Variants in EYA3 observed in about 807,000 individuals in gnomAD.
The protein encoded by EYA3 is EYA transcriptional coactivator and phosphatase 3, also known as protein phosphatase EYA3.
Under a neutral mutation model 80.0 loss-of-function variants are expected in EYA3, and 39 were observed. That is an observed-to-expected ratio of 0.49 (90% CI 0.38 to 0.64). The LOEUF (loss-of-function observed/expected upper bound fraction) is 0.64. Ranked by LOEUF, EYA3 falls within the 30% of genes least tolerant of loss-of-function variation. EYA3 has a pLI of 0.00. For synonymous variants in EYA3, 206 were observed against 232.8 expected, an observed-to-expected ratio of 0.88 and a Z score of 1.05; for missense variants, 523 against 676.1, an observed-to-expected ratio of 0.77 and a Z score of 2.51.
At chr1:28,068,399 T>TTA (rs1359534599) in intron 1 of EYA3, among the ~76,000 whole-genome samples, 2 of 152,104 alleles carry the variant, frequency 1.3e-5, no homozygotes, top group Non-Finnish European at 2.9e-5. Flanking sequence ...TTTTCTTTCA[T>TTA]TACATCTCTA....
intron 8 of EYA3, among the ~76,000 whole-genome samples, chr1:28,015,491 T>A (rs1000292611): frequency 6.6e-6 from 1 of 152,170 alleles, no homozygotes; most frequent in Non-Finnish European, 1.5e-5. Flanking sequence ...ATTGCGCCAC[T>A]GCACTCTGGC....
chr1:28,039,580 G>A (rs1643657463), intron 4 of EYA3, among the ~76,000 whole-genome samples: 1 of 152,166 alleles, frequency 6.6e-6, no homozygotes, highest in Non-Finnish European at 1.5e-5. Context: ...TAGCTGCTAT[G>A]AAGGCTTGAC....
Position 28,013,368 on chromosome 1 carries a change from C to T in EYA3, c.586-74G>A. 1 of 1,220,746 alleles carries T rather than the reference C, an allele frequency of 8.2e-7. No individual in the cohort carries two copies. Among genetic ancestry groups the T allele is most frequent in the Non-Finnish European group, 1.1e-6 (1 of 897,936 alleles). The allele number at this position is 1,220,746 out of a possible 1,614,324, so 75.6% of individuals were successfully genotyped here. A position where few individuals can be genotyped will look rare whatever the true frequency, so the allele number is the denominator to read the frequency against. The stretch of plus-strand genomic sequence containing the variant: ...ATCTCAACACAAGAGGCTTTCTTCT[C>T]CCTCTTTCTTATTCATAATTATTTT... On this transcript the variant is annotated intron_variant, in intron 8 of 17. Coordinates refer to ENST00000373871, the MANE Select transcript of EYA3 (RefSeq NM_001990.4). This position sits in a 1 kb window ranked among gnomAD's most constrained non-coding sequence, Gnocchi z 4.0.
In EYA3 at chr1:28,003,738, A is replaced by T. The variant is rs546693694; in HGVS notation, c.993+598T>A. Among the ~76,000 whole-genome samples the T allele has an allele frequency of 5.3e-5, 8 of 152,264 alleles. No homozygotes were observed. The East Asian group carries it at 1.5e-3, about 29-fold the overall frequency. ...GCAGATATTTGTATAAAATTTATTC[A>T]TATAAACTGAAAAACATGAGCTTGG... On this transcript the variant is annotated intron_variant, in intron 11 of 17. Coordinates refer to ENST00000373871, the MANE Select transcript of EYA3 (RefSeq NM_001990.4).
rs1638723349 is a variant in EYA3, at chr1:27,971,532, T to C, written c.*2934A>G. On this transcript the variant is annotated 3_prime_UTR_variant, in exon 18 of 18. Coordinates refer to ENST00000373871, the MANE Select transcript of EYA3 (RefSeq NM_001990.4). The stretch of plus-strand genomic sequence containing the variant: ...TCGCTTGAACCTGGGAGGCGGAGGT[T>C]GCAGTGAGCCGAGATCATGCCACTG... 6.9e-6 allele frequency: 1 copy of C among 145,532 alleles called. No homozygotes were observed. The highest frequency in any genetic ancestry group is 1.5e-5 in the Non-Finnish European group (1 of 67,478). 9.0% of individuals were successfully genotyped at this position (145,532 alleles called of 1,614,324 possible).
At chr1:28,018,091 G>A (rs1447079925) in intron 7 of EYA3, among the ~76,000 whole-genome samples, 1 of 151,960 alleles carries the variant, frequency 6.6e-6, no homozygotes, top group Non-Finnish European at 1.5e-5. Context: ...AGTTACTCAG[G>A]AGGCTGAGAC....
At chr1:28,011,172 C>G in intron 9 of EYA3, 86 bp from the exon 10 acceptor site, 1 of 1,401,406 alleles carries the variant, frequency 7.1e-7, no homozygotes, top group East Asian at 2.3e-5. Context: ...ACTCTCTGCC[C>G]TTGTGAGTCA....
At chr1:28,000,308 T>G (rs775635667) in intron 11 of EYA3, among the ~76,000 whole-genome samples, 16 of 152,058 alleles carry the variant, frequency 1.1e-4, no homozygotes, top group Non-Finnish European at 2.2e-4. Flanking sequence ...ACAGAAAATA[T>G]GATTTTTTTT....
chr1:28,031,445 G>A (rs1643133144), intron 6 of EYA3, among the ~76,000 whole-genome samples: 1 of 152,206 alleles, frequency 6.6e-6, no homozygotes, highest in Non-Finnish European at 1.5e-5. Context: ...AGCATCAAGA[G>A]CCTGCTGCAG....
chr1:28,082,584 G>A (rs1303062099), intron 1 of EYA3, among the ~76,000 whole-genome samples: 2 of 152,086 alleles, frequency 1.3e-5, no homozygotes, highest in Non-Finnish European at 2.9e-5. Flanking sequence ...TGATAGTCCT[G>A]AAGAGATGAA....
At chr1:28,067,819 C>T (rs1366915174) in intron 1 of EYA3, among the ~76,000 whole-genome samples, 8 of 152,118 alleles carry the variant, frequency 5.3e-5, no homozygotes, top group East Asian at 1.9e-4. Context: ...TGGACAGACA[C>T]GATTCTCTCT....
chr1:28,010,643 T>C (rs751167698), intron 10 of EYA3, among the ~76,000 whole-genome samples: 51 of 152,296 alleles, frequency 3.3e-4, no homozygotes, highest in Admixed American at 1.6e-3. Context: ...AGTGCTGGGA[T>C]TACAGATGTA....
At chr1:28,084,613 T>A (rs1645583042) in intron 1 of EYA3, among the ~76,000 whole-genome samples, 2 of 91,294 alleles carry the variant, frequency 2.2e-5, no homozygotes, top group Non-Finnish European at 4.4e-5. Context: ...TTTTTTTTTT[T>A]TTTTTTTTTT....
At chr1:28,033,640 G>T (rs1643272606) in intron 6 of EYA3, among the ~76,000 whole-genome samples, 1 of 141,048 alleles carries the variant, frequency 7.1e-6, no homozygotes, top group Non-Finnish European at 1.5e-5. Context: ...CTTTTTTAAT[G>T]TATTATTATT....
intron 15 of EYA3, 80 bp from the exon 16 acceptor site, chr1:27,988,736 GAATTT>G (rs1639832042): frequency 3.3e-6 from 5 of 1,510,626 alleles, no homozygotes. Context: ...CAACTCTTTA[GAATTT>G]AATTATTAAA....
intron 4 of EYA3, among the ~76,000 whole-genome samples, chr1:28,042,192 A>G (rs1643821293): frequency 6.6e-6 from 1 of 152,230 alleles, no homozygotes. Context: ...AGGAAACACT[A>G]TATAGAACTC....
At chr1:28,055,995 CTT>C (rs34697907) in intron 2 of EYA3, among the ~76,000 whole-genome samples, 2 of 145,206 alleles carry the variant, frequency 1.4e-5, no homozygotes, top group African/African-American at 5.0e-5. Flanking sequence ...CTGTGAAAAG[CTT>C]TTTTTTTTTA....
At position 27,993,518 on chromosome 1, in the gene EYA3, A is replaced by G. The variant is rs1571737364; in HGVS notation, c.1185T>C (p.Gly395=). The G allele has an allele frequency of 1.9e-5, 31 of 1,611,830 alleles. No homozygotes were observed. Among genetic ancestry groups the G allele is most frequent in the Non-Finnish European group, 2.6e-5 (31 of 1,179,320 alleles). Residue 395 remains glycine, a synonymous_variant, in exon 14 of 18, where the codon GGT becomes GGC. Transcript: ENST00000373871. ...CCACAGATGAACCATGGCTGCCACTACCTCCTGAGCCACTGAAACCATCTG... is the reference window on the plus strand; with the variant it reads ...CCACAGATGAACCATGGCTGCCACTGCCTCCTGAGCCACTGAAACCATCTG... ...FSTDGFSGSG[G]SGSHGSSVGV... is the part of the protein sequence containing the mutation.
At chr1:28,079,564 T>G (rs780968267) in intron 1 of EYA3, among the ~76,000 whole-genome samples, 2 of 152,164 alleles carry the variant, frequency 1.3e-5, no homozygotes, top group Admixed American at 6.5e-5. Flanking sequence ...TAGCAAAGGA[T>G]TCTAACGATA....
Sources: gnomAD v4.1 joint callset for allele counts (sites outside exome capture counted in the v4.1 genomes callset) on GRCh38, gnomAD v4.1.1 for gene constraint, Gnocchi (gnomAD v3.1) non-coding constraint, MANE v1.5 for transcripts, NCBI Gene and HGNC (gene_info 2026-07-23, HGNC 2026-07-21) for gene names.